The following VEGFC variants were observed in gnomAD, a reference collection of about 807,000 sequenced individuals.
VEGFC encodes the protein vascular endothelial growth factor C.
VEGFC carries 12 observed loss-of-function variants against 46.1 expected under a neutral mutation model. The observed-to-expected ratio is 0.26, with a 90% CI of 0.17 to 0.42. The LOEUF (loss-of-function observed/expected upper bound fraction) is 0.42, where lower values mean the gene tolerates loss of function less well. VEGFC is among the 10% of genes least tolerant of loss of function. VEGFC has a pLI of 1.00. For synonymous variants in VEGFC, 232 were observed against 195.5 expected, an observed-to-expected ratio of 1.19 and a Z score of -1.56; for missense variants, 488 against 529.4, an observed-to-expected ratio of 0.92 and a Z score of 0.77.
At position 176,684,181 on chromosome 4, in the gene VEGFC, A is replaced by G. The variant is rs973606006; in HGVS notation, c.1146-141T>C. On this transcript the variant is annotated intron_variant, in intron 6 of 6. Transcript: ENST00000618562. ...TGACGAAATTGTTCATAGGTTTAAA[A>G]AAGTTTGTTTCTGCTTAGAATTACA... is the stretch of plus-strand genomic sequence containing the variant. 6.0e-6 allele frequency: 4 copies of G among 664,050 alleles called. No homozygotes were observed. The Admixed American group carries it at 1.1e-4, about 18-fold the overall frequency. 41.1% of individuals were successfully genotyped at this position (664,050 alleles called of 1,614,324 possible). A position where few individuals can be genotyped will look rare whatever the true frequency, so the allele number is the denominator to read the frequency against.
At chr4:176,714,732 T>C (rs1734669975) in intron 3 of VEGFC, among the ~76,000 whole-genome samples, 1 of 152,170 alleles carries the variant, frequency 6.6e-6, no homozygotes, top group Non-Finnish European at 1.5e-5. Context: ...CAGATTGCCG[T>C]GAGCAGTATC....
intron 1 of VEGFC, among the ~76,000 whole-genome samples, chr4:176,749,979 T>A (rs182743135): frequency 6.6e-6 from 1 of 151,948 alleles, no homozygotes; most frequent in East Asian, 1.9e-4. Flanking sequence ...TGTAAACATT[T>A]ATTAAAAAAT....
chr4:176,734,020 C>T (rs1261720297), intron 1 of VEGFC, among the ~76,000 whole-genome samples: 1 of 151,702 alleles, frequency 6.6e-6, no homozygotes, highest in East Asian at 1.9e-4. Context: ...ACCTTATCTT[C>T]TGAGACCTCT....
intron 1 of VEGFC, among the ~76,000 whole-genome samples, chr4:176,788,507 T>G (rs1053215088): frequency 6.6e-6 from 1 of 152,214 alleles, no homozygotes; most frequent in African/African-American, 2.4e-5. Context: ...AAAACATACA[T>G]GCTTCTCGAT....
chr4:176,712,040 C>T (rs2110999726), intron 3 of VEGFC, among the ~76,000 whole-genome samples: 1 of 152,174 alleles, frequency 6.6e-6, no homozygotes, highest in South Asian at 2.1e-4. Flanking sequence ...ACAGAAACAT[C>T]TTTGTGATTT....
intron 1 of VEGFC, among the ~76,000 whole-genome samples, chr4:176,774,170 T>G (rs2110932202): frequency 6.6e-6 from 1 of 152,264 alleles, no homozygotes; most frequent in Admixed American, 6.5e-5. Flanking sequence ...TATTATACAG[T>G]TTATTTATGA....
intron 4 of VEGFC, among the ~76,000 whole-genome samples, chr4:176,701,206 T>C (rs77968247): frequency 0.029 from 4,355 of 152,276 alleles, 214 homozygotes; most frequent in African/African-American, 0.1. Context: ...GAGGATGTTA[T>C]ATGAAAACTC....
intron 3 of VEGFC, among the ~76,000 whole-genome samples, chr4:176,722,488 G>GTTT (rs138526102): frequency 2.2e-5 from 3 of 134,972 alleles, no homozygotes; most frequent in Non-Finnish European, 3.0e-5. Flanking sequence ...TTTTTCTTTT[G>GTTT]TTTTTTTTTT....
chr4:176,760,137 T>C (rs1735504020), intron 1 of VEGFC, among the ~76,000 whole-genome samples: 1 of 152,150 alleles, frequency 6.6e-6, no homozygotes, highest in Admixed American at 6.5e-5. Context: ...AAGCAGGCTA[T>C]GAAATAATAG....
chr4:176,740,445 T>TATAG (rs1553994988), intron 1 of VEGFC, among the ~76,000 whole-genome samples: 1 of 119,248 alleles, frequency 8.4e-6, no homozygotes, highest in African/African-American at 3.5e-5. Flanking sequence ...ATATTCTATA[T>TATAG]AGAGTATATA....
intron 1 of VEGFC, among the ~76,000 whole-genome samples, chr4:176,756,947 T>C (rs1735443644): frequency 6.6e-6 from 1 of 152,012 alleles, no homozygotes; most frequent in Non-Finnish European, 1.5e-5. Context: ...TTTAGGCAAC[T>C]AGGTAAAATG....
intron 4 of VEGFC, among the ~76,000 whole-genome samples, chr4:176,711,120 T>A (rs1734613376): frequency 6.6e-6 from 1 of 152,142 alleles, no homozygotes; most frequent in African/African-American, 2.4e-5. Flanking sequence ...TACTTTTTGT[T>A]TTGGCCTAAA....
At chr4:176,747,727 G>T (rs756380101) in intron 1 of VEGFC, among the ~76,000 whole-genome samples, 1 of 152,110 alleles carries the variant, frequency 6.6e-6, no homozygotes, top group Non-Finnish European at 1.5e-5. Flanking sequence ...CCAGGTTCAA[G>T]GCTGCAGTGA....
At position 176,765,896 on chromosome 4, in the gene VEGFC, G is replaced by A. The variant is rs182656058; in HGVS notation, c.147+26269C>T. On this transcript the variant is annotated intron_variant, in intron 1 of 6. Coordinates refer to ENST00000618562, the MANE Select transcript of VEGFC (RefSeq NM_005429.5). ...ATGCTAACAGTGAAAATCATTTCTT[G>A]TTCAAAGAAGCAACAATAAGATTGA... is the stretch of plus-strand genomic sequence containing the variant. 4.6e-5 allele frequency among the ~76,000 whole-genome samples: 7 copies of A among 152,018 alleles called. No homozygotes were observed. The East Asian group carries it at 1.4e-3, about 29-fold the overall frequency.
At chr4:176,711,110 T>G (rs1560942111) in intron 4 of VEGFC, among the ~76,000 whole-genome samples, 1 of 152,158 alleles carries the variant, frequency 6.6e-6, no homozygotes, top group African/African-American at 2.4e-5. Context: ...TATTTATATT[T>G]ACTTTTTGTT....
intron 4 of VEGFC, among the ~76,000 whole-genome samples, chr4:176,706,562 G>T (rs897810760): frequency 6.9e-6 from 1 of 144,722 alleles, no homozygotes; most frequent in Non-Finnish European, 1.5e-5. Context: ...GGAGGAGGAG[G>T]TTGCAGTGAG....
chr4:176,774,273 T>C (rs1176489742), intron 1 of VEGFC, among the ~76,000 whole-genome samples: 1 of 139,850 alleles, frequency 7.2e-6, no homozygotes, highest in Non-Finnish European at 1.6e-5. Context: ...AACTGCATAA[T>C]AAATAAAAAT....
chr4:176,760,820 C>G (rs1735516075), intron 1 of VEGFC, among the ~76,000 whole-genome samples: 1 of 152,032 alleles, frequency 6.6e-6, no homozygotes, highest in Admixed American at 6.6e-5. Flanking sequence ...TTTTAAAGAA[C>G]CGAAGAAATG....
chr4:176,751,319 T>TG (rs1735338991), intron 1 of VEGFC, among the ~76,000 whole-genome samples: 1 of 151,984 alleles, frequency 6.6e-6, no homozygotes, highest in African/African-American at 2.4e-5. Flanking sequence ...TAGCTCTTTA[T>TG]AGAATGGATG....
Sources: allele counts gnomAD v4.1 joint callset (sites outside exome capture counted in the v4.1 genomes callset), GRCh38; gene constraint gnomAD v4.1.1; transcripts MANE v1.5; gene names NCBI Gene and HGNC (gene_info 2026-07-23, HGNC 2026-07-21).